The following PJVK variants were observed in gnomAD, a reference collection of about 807,000 sequenced individuals.
PJVK encodes pejvakin, also known as autosomal recessive deafness type 59 protein.
A neutral mutation model predicts 37.6 loss-of-function variants in PJVK; 33 were observed. The observed-to-expected ratio is 0.88, with a 90% CI of 0.67 to 1.17. The LOEUF is 1.17. PJVK is among the 50% of genes most tolerant of loss of function. The pLI, the probability that PJVK is intolerant of heterozygous loss-of-function variation, is 0.00. For synonymous variants in PJVK, 141 were observed against 143.5 expected (o/e 0.98, Z 0.13); for missense variants, 410 against 413.8 (o/e 0.99, Z 0.08).
chr2:178,455,914 G>A (rs1044124230), intron 3 of PJVK, 96 bp from the exon 4 acceptor site: 21 of 1,389,170 alleles, frequency 1.5e-5, no homozygotes, highest in Non-Finnish European at 1.9e-5. Context: ...ACTATTAGGT[G>A]AACTATGAAT....
In PJVK at chr2:178,458,600, C is replaced by T; in HGVS notation, c.640C>T (p.Leu214Phe). The T allele has an allele frequency of 6.2e-7, 1 of 1,613,868 alleles. No homozygotes were observed. Among genetic ancestry groups the T allele is most frequent in the Admixed American group, 1.7e-5 (1 of 60,028 alleles). Residue 214 changes from leucine (L) to phenylalanine (F), a missense_variant, in exon 5 of 7, where the codon CTC becomes TTC. Physicochemically the swap from Leu to Phe is conservative, Grantham distance 22. Coordinates refer to ENST00000644580, the MANE Select transcript of PJVK (RefSeq NM_001042702.5). ...HTTIAFSVFE[L>F]FIYLDGAFDL... ...AACCATAGCTTTCAGTGTTTTTGAA[C>T]TCTTCATATACCTGGATGGTGCCTT...
Position 178,454,415 on chromosome 2 carries a change from G to A in PJVK, c.295G>A (p.Asp99Asn), listed in dbSNP as rs1261302190. 6.2e-7 allele frequency: 1 copy of A among 1,613,986 alleles called. No individual in the cohort carries two copies. The highest frequency in any genetic ancestry group is 2.2e-5 in the East Asian group (1 of 44,824). Residue 99 changes from aspartate to asparagine, a missense_variant, in exon 3 of 7, where the codon GAC becomes AAC. Transcript: ENST00000644580. ...YGRRGNHIVN[D>N]VGINVAGSDS... ...AAGGCGAGGTAACCATATTGTAAAT[G>A]ACGTTGGGATTAACGTTGCTGGATC...
chr2:178,460,701 T>G (rs1013550855), intron 6 of PJVK, among the ~76,000 whole-genome samples: 2 of 151,682 alleles, frequency 1.3e-5, no homozygotes, highest in South Asian at 4.2e-4. Context: ...GAAAAAAAAT[T>G]AGTTGGTTGC....
At position 178,459,061 on chromosome 2, in the gene PJVK, A is replaced by T. The variant is rs1290281811; in HGVS notation, c.667+434A>T. ...AGACAGCTTTTCTTACTTCAGTTTT[A>T]CTTATCATAGACCCAGCTTCCCCTT... On this transcript the variant is annotated intron_variant, in intron 5 of 6. Coordinates refer to ENST00000644580, the MANE Select transcript of PJVK (RefSeq NM_001042702.5). The T allele has an allele frequency of 3.2e-5, 14 of 431,416 alleles. No individual in the cohort carries two copies. In the East Asian group the frequency reaches 1.0e-3, roughly 31 times the overall value. 26.7% of individuals were successfully genotyped at this position (431,416 alleles called of 1,614,324 possible). A position where few individuals can be genotyped will look rare whatever the true frequency, so the allele number is the denominator to read the frequency against.
Position 178,461,707 on chromosome 2 carries a change from C to CT in PJVK, c.*433_*434insT, listed in dbSNP as rs1404599766. On this transcript the variant is annotated 3_prime_UTR_variant, in exon 7 of 7. Transcript: ENST00000644580. ...TCAAGCAATTCTCTGCCTCAGCCTCCCGAGTAGCTGGGATTACTGGCGCCT... is the reference window on the plus strand; with the variant it reads ...TCAAGCAATTCTCTGCCTCAGCCTCCTCGAGTAGCTGGGATTACTGGCGCCT... 2.6e-5 allele frequency among the ~76,000 whole-genome samples: 4 copies of CT among 151,662 alleles called. No homozygotes were observed. In the East Asian group the frequency reaches 7.8e-4, roughly 30 times the overall value.
chr2:178,455,237 A>G lies in PJVK; in HGVS notation c.407+710A>G, dbSNP rs921847568. The G allele has an allele frequency of 3.2e-6, 5 of 1,552,102 alleles. No individual in the cohort carries two copies. In the African/African-American group the frequency reaches 5.4e-5, roughly 17 times the overall value. ...TGACCCTGAGATCAATACCAAGAAG[A>G]TTAACCCTGAGAATTCCAAGCTGTC... On this transcript the variant is annotated intron_variant, in intron 3 of 6. Transcript: ENST00000644580.
intron 2 of PJVK, 158 bp from the exon 3 acceptor site, chr2:178,454,174 T>C (rs1697901755): frequency 3.4e-6 from 2 of 595,032 alleles, no homozygotes; most frequent in East Asian, 6.3e-5. Flanking sequence ...CTTTTTGTTG[T>C]AAGATTAATT....
Position 178,454,420 on chromosome 2 carries a change from T to C in PJVK, c.300T>C (p.Val100=). The C allele has an allele frequency of 6.2e-7, 1 of 1,614,036 alleles. No homozygotes were observed. Among genetic ancestry groups the C allele is most frequent in the Non-Finnish European group, 8.5e-7 (1 of 1,179,964 alleles). The change falls in exon 3 of 7, where the codon GTT becomes GTC. Residue 100 remains valine (V), a synonymous_variant. Transcript: ENST00000644580. The part of the protein sequence containing the change: ...GRRGNHIVND[V]GINVAGSDSI... ...GAGGTAACCATATTGTAAATGACGT[T>C]GGGATTAACGTTGCTGGATCAGATT... is the stretch of plus-strand genomic sequence containing the variant.
intron 6 of PJVK, 132 bp from the exon 7 acceptor site, chr2:178,460,847 TCAA>T: frequency 1.9e-6 from 1 of 525,048 alleles, no homozygotes; most frequent in African/African-American, 5.6e-5. Context: ...AGACCCTGTC[TCAA>T]AAAAAAAAAA....
chr2:178,454,654 G>T, intron 3 of PJVK, 127 bp downstream of exon 3: 1 of 1,430,498 alleles, frequency 7.0e-7, no homozygotes, highest in South Asian at 1.2e-5. Flanking sequence ...AGATATGTTT[G>T]AAATACATTG....
rs1302813085 is a variant in PJVK, at chr2:178,459,409, T to C, written c.667+782T>C. 6 of 328,502 alleles carry C rather than the reference T, an allele frequency of 1.8e-5. No homozygotes were observed. The Admixed American group carries it at 2.4e-4, about 13-fold the overall frequency. The allele number at this position is 328,502 out of a possible 1,614,324, so 20.3% of individuals were successfully genotyped here. ...AAAAAATATTTTTAATTTTTGTGGCTATATAGTAGATTATATATATATTTA... is the reference window on the plus strand; with the variant it reads ...AAAAAATATTTTTAATTTTTGTGGCCATATAGTAGATTATATATATATTTA... On this transcript the variant is annotated intron_variant, in intron 5 of 6. Coordinates refer to ENST00000644580, the MANE Select transcript of PJVK (RefSeq NM_001042702.5).
At chr2:178,455,226 A>G (rs1003551209) in intron 3 of PJVK, 5 of 1,560,348 alleles carry the variant, frequency 3.2e-6, no homozygotes, top group African/African-American at 2.7e-5. Context: ...CCTGAGATCA[A>G]TACCAAGAAG....
Position 178,453,590 on chromosome 2 carries a change from A to G in PJVK, c.181A>G (p.Ile61Val). The change falls in exon 2 of 7, where the codon ATT becomes GTT. Residue 61 changes from isoleucine to valine, a missense_variant. Coordinates refer to ENST00000644580, the MANE Select transcript of PJVK (RefSeq NM_001042702.5). ...TTCAACACCTTTTACACTGAAAGATATTCTCCTAGGAGACAGAGAAATTTC... is the reference window on the plus strand; with the variant it reads ...TTCAACACCTTTTACACTGAAAGATGTTCTCCTAGGAGACAGAGAAATTTC... ...FTSTPFTLKD[I>V]LLGDREISAG... 1 of 1,613,740 alleles carries G rather than the reference A, an allele frequency of 6.2e-7. No homozygotes were observed.
At chr2:178,460,286 C>A in intron 5 of PJVK, 62 bp from the exon 6 acceptor site, 1 of 1,297,882 alleles carries the variant, frequency 7.7e-7, no homozygotes, top group Non-Finnish European at 1.1e-6. Context: ...ATTCATCACC[C>A]CATCAAACAA....
rs74435413 is a variant in PJVK at position 178,451,747 on chromosome 2, T to A, written c.-45T>A. 1,892 of 985,278 alleles carry A rather than the reference T, an allele frequency of 1.9e-3. 32 individuals carry two copies. The African/African-American group carries it at 0.031, about 16-fold the overall frequency. 61.0% of individuals were successfully genotyped at this position (985,278 alleles called of 1,614,324 possible). A position where few individuals can be genotyped will look rare whatever the true frequency, so the allele number is the denominator to read the frequency against. ...GGCGGGCTCCTTTGTCTTCTGGGCT[T>A]TCGTCGCGAGATGGAACGCTGGGTC... On this transcript the variant is annotated 5_prime_UTR_variant, in exon 1 of 7. Coordinates refer to ENST00000644580, the MANE Select transcript of PJVK (RefSeq NM_001042702.5).
At chr2:178,452,806 G>A (rs1559365299) in intron 1 of PJVK, 1 of 183,972 alleles carries the variant, frequency 5.4e-6, no homozygotes, top group Non-Finnish European at 1.0e-5. Flanking sequence ...GCATATAATT[G>A]TTTATATCTG....
rs759598949 is a variant in PJVK, at chr2:178,456,047, A to G, written c.445A>G (p.Arg149Gly). The change falls in exon 4 of 7, where the codon AGG (arginine) becomes GGG (glycine). Residue 149 changes from arginine to glycine, a missense_variant. Transcript: ENST00000644580. ...TGACCACAGCTTGATACGTCAGTCA[A>G]GGAGCAGCAGAAAGGCAGTATTGTG... ...NFDHSLIRQS[R>G]SSRKAVLCVV... 1.9e-6 allele frequency: 3 copies of G among 1,614,218 alleles called. No individual in the cohort carries two copies. Among genetic ancestry groups the G allele is most frequent in the Non-Finnish European group, 2.5e-6 (3 of 1,180,046 alleles).
chr2:178,454,522 T>C lies in PJVK; in HGVS notation c.402T>C (p.Thr134=), dbSNP rs1464102543. The change falls in exon 3 of 7, where the codon ACT becomes ACC. Residue 134 remains threonine, a synonymous_variant. Transcript: ENST00000644580. ...VEVSTLLKEI[T]TRKINFDHSL... is the part of the protein sequence containing the mutation. The stretch of plus-strand genomic sequence containing the variant: ...TATCAACATTACTCAAAGAAATTAC[T>C]ACACGGTCAGTATAATAATCCTAAT... 6.2e-7 allele frequency: 1 copy of C among 1,613,232 alleles called. No homozygotes were observed. The highest frequency in any genetic ancestry group is 1.1e-5 in the South Asian group (1 of 90,984).
At chr2:178,455,713 A>T (rs867815407) in intron 3 of PJVK, among the ~76,000 whole-genome samples, 1 of 152,226 alleles carries the variant, frequency 6.6e-6, no homozygotes, top group Non-Finnish European at 1.5e-5. Flanking sequence ...TTGGCTCTAC[A>T]CACATTTGCT....
Sources: allele counts gnomAD v4.1 joint callset (sites outside exome capture counted in the v4.1 genomes callset), GRCh38; gene constraint gnomAD v4.1.1; transcripts MANE v1.5; gene names NCBI Gene and HGNC (gene_info 2026-07-23, HGNC 2026-07-21).